MTMR8: variants seen among roughly 807,000 people sequenced by gnomAD.
MTMR8 encodes phosphatidylinositol-3,5-bisphosphate 3-phosphatase MTMR8.
MTMR8 carries 65 observed loss-of-function variants against 39.3 expected under a neutral mutation model. The observed-to-expected ratio is 1.65, with a 90% CI of 1.35 to 2.03. The LOEUF is 2.03. Among genes scored for constraint, MTMR8 ranks in the 30% most tolerant of loss-of-function variants. The pLI is 0.00. For missense variants in MTMR8, 777 were observed against 538.9 expected, an observed-to-expected ratio of 1.44 and a Z score of -4.37; for synonymous variants, 245 against 185.2, an observed-to-expected ratio of 1.32 and a Z score of -2.62.
At chrX:64,375,099 C>T (rs899079129) in intron 1 of MTMR8, among the ~76,000 whole-genome samples, 1 of 106,055 alleles carries the variant, frequency 9.4e-6, no homozygotes, top group Non-Finnish European at 1.9e-5. Context: ...GTGGCTCACA[C>T]TTGTAATCCC....
intron 12 of MTMR8, among the ~76,000 whole-genome samples, chrX:64,281,756 G>C (rs1056998739): frequency 1.1e-5 from 1 of 87,166 alleles, no homozygotes; most frequent in East Asian, 2.9e-4. Flanking sequence ...CCATCAGAGT[G>C]AACAACCTAC....
At chrX:64,362,092 T>C (rs1043422403) in intron 1 of MTMR8, among the ~76,000 whole-genome samples, 2 of 110,345 alleles carry the variant, frequency 1.8e-5, no homozygotes, top group African/African-American at 6.6e-5. Context: ...AAAAATTATA[T>C]AGAATCTAGA....
intron 12 of MTMR8, among the ~76,000 whole-genome samples, chrX:64,293,453 C>T (rs1921468790): frequency 9.0e-6 from 1 of 111,086 alleles, no homozygotes; most frequent in Non-Finnish European, 1.9e-5. Context: ...GACAAAGGGG[C>T]CCAAATTGGA....
At chrX:64,287,052 A>G (rs1162130656) in intron 12 of MTMR8, among the ~76,000 whole-genome samples, 1 of 111,861 alleles carries the variant, frequency 8.9e-6, no homozygotes, top group Admixed American at 9.5e-5. Flanking sequence ...ATGATTGTAT[A>G]TCTAGAAAAC....
intron 12 of MTMR8, among the ~76,000 whole-genome samples, chrX:64,298,706 G>A (rs1921723764): frequency 1.2e-5 from 1 of 86,164 alleles, no homozygotes; most frequent in South Asian, 4.8e-4. Flanking sequence ...TATGATATTG[G>A]CTGTGGGTTT....
At chrX:64,317,581 A>G (rs1460048968) in intron 12 of MTMR8, among the ~76,000 whole-genome samples, 1 of 110,873 alleles carries the variant, frequency 9.0e-6, no homozygotes, top group Admixed American at 9.6e-5. Context: ...GACTTTTTTC[A>G]TTTGTTTCAA....
At chrX:64,343,080 T>TA (rs1183650896) in intron 8 of MTMR8, among the ~76,000 whole-genome samples, 4 of 111,395 alleles carry the variant, frequency 3.6e-5, no homozygotes, top group Non-Finnish European at 7.5e-5. Flanking sequence ...CAAAGAAGTT[T>TA]AAAAAAATAG....
At chrX:64,331,986 A>AT (rs1428770043) in intron 10 of MTMR8, among the ~76,000 whole-genome samples, 1 of 111,224 alleles carries the variant, frequency 9.0e-6, no homozygotes, top group Non-Finnish European at 1.9e-5. Flanking sequence ...CATCTAGTCT[A>AT]TTTTTTTATA....
intron 1 of MTMR8, among the ~76,000 whole-genome samples, chrX:64,367,454 C>A (rs764781650): frequency 8.9e-6 from 1 of 112,077 alleles, no homozygotes; most frequent in Non-Finnish European, 1.9e-5. Context: ...GCTGGTTCAA[C>A]ATATGCAAAT....
At chrX:64,391,042 C>T (rs1016057118) in intron 1 of MTMR8, among the ~76,000 whole-genome samples, 4 of 112,109 alleles carry the variant, frequency 3.6e-5, no homozygotes, top group South Asian at 3.7e-4. Context: ...AATTTTAGAA[C>T]ATTTCCATCA....
At chrX:64,376,017 G>C (rs1320084280) in intron 1 of MTMR8, among the ~76,000 whole-genome samples, 3 of 111,717 alleles carry the variant, frequency 2.7e-5, no homozygotes, top group Non-Finnish European at 5.6e-5. Flanking sequence ...ACCATGTGAA[G>C]ATGTGCCTAC....
chrX:64,344,080 A>T (rs1923287522), intron 7 of MTMR8, among the ~76,000 whole-genome samples: 1 of 110,735 alleles, frequency 9.0e-6, no homozygotes, highest in African/African-American at 3.3e-5. Context: ...GGCCCTCAGC[A>T]TCTGTCTCTA....
intron 12 of MTMR8, among the ~76,000 whole-genome samples, chrX:64,288,560 C>T (rs769226392): frequency 4.1e-4 from 46 of 111,762 alleles, no homozygotes; most frequent in Admixed American, 2.8e-3. Flanking sequence ...TATAAAGACA[C>T]ATGCAAACAT....
At chrX:64,361,335 C>T (rs1023508523) in intron 1 of MTMR8, among the ~76,000 whole-genome samples, 7 of 110,976 alleles carry the variant, frequency 6.3e-5, no homozygotes, top group Non-Finnish European at 1.1e-4. Flanking sequence ...TTACTCAGTC[C>T]ATTTTATGAG....
chrX:64,359,510 C>G lies in MTMR8; in HGVS notation c.42G>C (p.Leu14Phe). The G allele has an allele frequency of 1.7e-6, 2 of 1,197,372 alleles. No individual in the cohort carries two copies. Among genetic ancestry groups the G allele is most frequent in the Non-Finnish European group, 2.3e-6 (2 of 887,483 alleles). Residue 14 changes from leucine to phenylalanine, a missense_variant, in exon 2 of 14, where the codon TTG (leucine) becomes TTC (phenylalanine). Physicochemically the swap from Leu to Phe is conservative, Grantham distance 22. Transcript: ENST00000374852. Reference protein sequence around the residue: ...ITVPKVENVKLVDRYVSKKPA... With the variant: ...ITVPKVENVKFVDRYVSKKPA... The stretch of plus-strand genomic sequence containing the variant: ...GTTTCTTACTCACATAACGATCCAC[C>G]AATTTCACGTTTTCTACCTGTTATT...
chrX:64,380,457 C>T (rs1280820756), intron 1 of MTMR8, among the ~76,000 whole-genome samples: 1 of 112,377 alleles, frequency 8.9e-6, no homozygotes, highest in Non-Finnish European at 1.9e-5. Flanking sequence ...TGAGGTGAGG[C>T]ATTTAAATAT....
chrX:64,306,773 C>T (rs750440902), intron 12 of MTMR8: 2 of 111,655 alleles, frequency 1.8e-5, no homozygotes, highest in Non-Finnish European at 3.8e-5. Context: ...CCTACCCAGG[C>T]CCCACAGGAT....
intron 1 of MTMR8, among the ~76,000 whole-genome samples, chrX:64,384,106 T>C (rs1924499261): frequency 8.9e-6 from 1 of 111,921 alleles, no homozygotes; most frequent in South Asian, 3.7e-4. Context: ...ATAGGCCCCA[T>C]GCAAGTACAA....
At chrX:64,284,467 C>G (rs765404824) in intron 12 of MTMR8, among the ~76,000 whole-genome samples, 81 of 111,423 alleles carry the variant, frequency 7.3e-4, no homozygotes, top group African/African-American at 2.5e-3. Flanking sequence ...TCTGGAAATA[C>G]AGAGAACACA....
Sources: allele counts gnomAD v4.1 joint callset (sites outside exome capture counted in the v4.1 genomes callset), GRCh38; gene constraint gnomAD v4.1.1; transcripts MANE v1.5; gene names NCBI Gene and HGNC (gene_info 2026-07-23, HGNC 2026-07-21).